IK: variants seen among roughly 807,000 people sequenced by gnomAD.
IK encodes the protein IK cytokine.
In IK, 47 loss-of-function variants were observed where a neutral mutation model predicts 90.9. That is an observed-to-expected ratio of 0.52 (90% CI 0.41 to 0.66). IK has a LOEUF of 0.66. IK is among the 30% of genes least tolerant of loss of function. IK has a pLI of 0.00. For synonymous variants in IK, 201 were observed against 227.5 expected (o/e 0.88, Z 1.05); for missense variants, 385 against 709.3 (o/e 0.54, Z 5.19).
chr5:140,654,860 C>A, intron 8 of IK, 133 bp downstream of exon 8: 1 of 687,034 alleles, frequency 1.5e-6, no homozygotes, highest in Non-Finnish European at 2.5e-6. Flanking sequence ...CAGTGTCTCA[C>A]TTAATCGCCC....
rs1757815617 is a variant in IK at position 140,662,344 on chromosome 5, CAG to C, written c.*19_*20del. Reference sequence around the variant, plus strand: ...CAAAATACTAATCACTAGTTACAACCAGAGATGCTCCACAAGGATATGCTCCC... The same window carrying C: ...CAAAATACTAATCACTAGTTACAACCAGATGCTCCACAAGGATATGCTCCC... On this transcript the variant is annotated 3_prime_UTR_variant, in exon 20 of 20. Coordinates refer to ENST00000417647, the MANE Select transcript of IK (RefSeq NM_006083.4). The C allele has an allele frequency of 6.2e-7, 1 of 1,612,898 alleles. No individual in the cohort carries two copies. The highest frequency in any genetic ancestry group is 8.5e-7 in the Non-Finnish European group (1 of 1,178,912).
chr5:140,651,156 G>A (rs56692296), intron 2 of IK, among the ~76,000 whole-genome samples: 26,000 of 152,052 alleles, frequency 0.17, 2,885 homozygotes, highest in East Asian at 0.3. Flanking sequence ...CATTAAAAGT[G>A]GCATGGCATA....
chr5:140,653,309 T>C (rs530585529), intron 5 of IK, among the ~76,000 whole-genome samples, 165 bp downstream of exon 5: 89 of 148,640 alleles, frequency 6.0e-4, no homozygotes, highest in African/African-American at 2.1e-3. Context: ...TTTTTTGAGA[T>C]GGAGTCTCGC....
chr5:140,659,475 T>G (rs943034876), intron 13 of IK, 142 bp downstream of exon 13: 28 of 889,964 alleles, frequency 3.1e-5, no homozygotes, highest in Admixed American at 2.0e-5. Context: ...ATTGAATAGG[T>G]GGAGTTCCCT....
At chr5:140,652,204 A>G in intron 4 of IK, 57 bp downstream of exon 4, 1 of 1,282,600 alleles carries the variant, frequency 7.8e-7, no homozygotes, top group Non-Finnish European at 1.1e-6. Flanking sequence ...AGGGGAAAGA[A>G]GTAGGGGCTA....
At chr5:140,655,175 TCTC>T (rs1386899587) in intron 8 of IK, among the ~76,000 whole-genome samples, 1 of 152,148 alleles carries the variant, frequency 6.6e-6, no homozygotes, top group African/African-American at 2.4e-5. Flanking sequence ...GTCATTTATG[TCTC>T]CTCAGGTAGA....
intron 15 of IK, 199 bp from the exon 16 acceptor site, chr5:140,660,559 A>C: frequency 1.8e-6 from 1 of 555,886 alleles, no homozygotes. Flanking sequence ...CAGCCTCCAA[A>C]AGTGCGGGGA....
At chr5:140,657,258 T>G (rs1757728424) in intron 9 of IK, among the ~76,000 whole-genome samples, 1 of 152,146 alleles carries the variant, frequency 6.6e-6, no homozygotes, top group African/African-American at 2.4e-5. Flanking sequence ...AAGCTTTTAG[T>G]AGTATCTCAT....
chr5:140,660,779 T>C lies in IK; in HGVS notation c.1377T>C (p.Asp459=). 1 of 1,613,666 alleles carries C rather than the reference T, an allele frequency of 6.2e-7. No individual in the cohort carries two copies. The highest frequency in any genetic ancestry group is 8.5e-7 in the Non-Finnish European group (1 of 1,179,626). The change falls in exon 16 of 20, where the codon GAT becomes GAC. Residue 459 remains aspartate, a synonymous_variant. Coordinates refer to ENST00000417647, the MANE Select transcript of IK (RefSeq NM_006083.4). ...YPATMDDMAV[D]SDEEVDYSKM... ...TTAGGATGGATGACATGGCTGTGGA[T>C]AGTGATGAGGAGGTGGATTATAGCA...
chr5:140,660,091 A>G, intron 14 of IK, 24 bp from the exon 15 acceptor site: 1 of 1,596,290 alleles, frequency 6.3e-7, no homozygotes, highest in South Asian at 1.1e-5. Context: ...AATCCTGTGT[A>G]GTGTTTTCTT....
At chr5:140,656,308 G>T (rs1028155623) in intron 9 of IK, among the ~76,000 whole-genome samples, 4 of 152,082 alleles carry the variant, frequency 2.6e-5, no homozygotes, top group Non-Finnish European at 5.9e-5. Context: ...TTCTCCTGCC[G>T]CAGCCTTCCA....
chr5:140,652,043 G>T (rs747409617), intron 3 of IK, 45 bp from the exon 4 acceptor site: 4 of 1,475,006 alleles, frequency 2.7e-6, no homozygotes, highest in Non-Finnish European at 3.8e-6. Flanking sequence ...GGTTTCTGGG[G>T]CTGTGGCAAT....
intron 2 of IK, among the ~76,000 whole-genome samples, chr5:140,649,188 T>G (rs1260928686): frequency 6.8e-6 from 1 of 146,848 alleles, no homozygotes; most frequent in Admixed American, 6.7e-5. Context: ...ATTTCTTTTT[T>G]TTTTTCTTTT....
In IK at chr5:140,658,755, A is replaced by G. The variant is rs34282994; in HGVS notation, c.929A>G (p.Lys310Arg). The part of the protein sequence containing the change: ...KKDKGKLEEK[K>R]PPEADMNIFE... The stretch of plus-strand genomic sequence containing the variant: ...ATTTCAGGGAAGCTGGAAGAGAAGA[A>G]ACCTCCTGAGGCTGACATGAAGTAT... Residue 310 changes from lysine (K) to arginine (R), a missense_variant, in exon 11 of 20, where the codon AAA becomes AGA. This residue lies in a region of IK where 139 missense variants were observed against 172.0 expected (regional missense o/e 0.81). Transcript: ENST00000417647. 16,386 of 1,610,988 alleles carry G rather than the reference A, an allele frequency of 0.01. 127 individuals carry two copies. Among genetic ancestry groups the G allele is most frequent in the Non-Finnish European group, 0.011 (12,929 of 1,178,142 alleles).
Position 140,648,533 on chromosome 5 carries a change from C to T in IK, c.79C>T (p.His27Tyr), listed in dbSNP as rs770035364. The T allele has an allele frequency of 1.9e-6, 3 of 1,613,634 alleles. No homozygotes were observed. The South Asian group carries it at 3.3e-5, about 18-fold the overall frequency. ...CGATGTGGATGATCCTCACTCCTTCCACCAGTGAGTATTTTGTGCTAGGAC... is the reference window on the plus strand; with the variant it reads ...CGATGTGGATGATCCTCACTCCTTCTACCAGTGAGTATTTTGTGCTAGGAC... ...GHDVDDPHSF[H>Y]QSKLTNEDFR... Residue 27 changes from histidine (H) to tyrosine (Y), a missense_variant, in exon 2 of 20, where the codon CAC (histidine) becomes TAC (tyrosine). This residue lies in a region of IK where 42 missense variants were observed against 37.9 expected (regional missense o/e 1.11). Transcript: ENST00000417647.
chr5:140,659,191 T>G, intron 12 of IK, 27 bp downstream of exon 12: 1 of 1,595,168 alleles, frequency 6.3e-7, no homozygotes, highest in Non-Finnish European at 8.5e-7. Context: ...TAGTACCAGG[T>G]GATGGAGTTG....
At chr5:140,660,068 C>A in intron 14 of IK, 47 bp from the exon 15 acceptor site, 1 of 1,543,282 alleles carries the variant, frequency 6.5e-7, no homozygotes, top group Non-Finnish European at 8.9e-7. Flanking sequence ...TGAAGCTTTA[C>A]AGCAATAGGT....
At chr5:140,660,476 T>C in intron 15 of IK, 1 of 538,038 alleles carries the variant, frequency 1.9e-6, no homozygotes, top group Non-Finnish European at 3.3e-6. Flanking sequence ...TTTTGTATTT[T>C]TAGTAGAGAT....
In IK at chr5:140,659,742, C is replaced by G. The variant is rs1489357313; in HGVS notation, c.1196-14C>G. 3.8e-6 allele frequency: 6 copies of G among 1,567,270 alleles called. No individual in the cohort carries two copies. Among genetic ancestry groups the G allele is most frequent in the Non-Finnish European group, 5.2e-6 (6 of 1,149,904 alleles). ...CTCAGTTCAAGGTCTGGGCTGAGTTCTCTTTTCTCCTAGGACCTGGGTCTA... is the reference window on the plus strand; with the variant it reads ...CTCAGTTCAAGGTCTGGGCTGAGTTGTCTTTTCTCCTAGGACCTGGGTCTA... On this transcript the variant is annotated splice_polypyrimidine_tract_variant and intron_variant, in intron 13 of 19. Transcript: ENST00000417647.
Sources: allele counts gnomAD v4.1 joint callset (sites outside exome capture counted in the v4.1 genomes callset), GRCh38; gene constraint gnomAD v4.1.1; regional missense constraint gnomAD v4.1.1; transcripts MANE v1.5; gene names NCBI Gene and HGNC (gene_info 2026-07-23, HGNC 2026-07-21).